FMR1: variants seen among roughly 807,000 people sequenced by gnomAD.
The protein encoded by FMR1 is fragile X messenger ribonucleoprotein 1.
Under a neutral mutation model 50.6 loss-of-function variants are expected in FMR1, and 13 were observed. That is an observed-to-expected ratio of 0.26 (90% CI 0.17 to 0.41). The LOEUF is 0.41. Among genes scored for constraint, FMR1 ranks in the 10% least tolerant of loss-of-function variants. The probability of loss-of-function intolerance (pLI) is 1.00; values close to 1 mark genes in which losing one functional copy is unlikely to be tolerated. For missense variants in FMR1, 316 were observed against 491.3 expected (o/e 0.64, Z 3.37); for synonymous variants, 138 against 164.1 (o/e 0.84, Z 1.22).
rs2043183344 is a variant in FMR1 at position 147,921,837 on chromosome X, T to TAA, written c.52-94_52-93dup. 3 of 553,013 alleles carry TAA rather than the reference T, an allele frequency of 5.4e-6. No individual in the cohort carries two copies. The South Asian group carries it at 7.9e-5, about 14-fold the overall frequency. 45.6% of individuals were successfully genotyped at this position (553,013 alleles called of 1,213,427 possible). ...TTCATTTGAAGTTCTATTTTATTCA[T>TAA]AAACACATAAAACGTTTGGTATCAC... On this transcript the variant is annotated intron_variant, in intron 1 of 16. Transcript: ENST00000370475.
chrX:147,943,652 T>C, intron 14 of FMR1: 1 of 248,608 alleles, frequency 4.0e-6, no homozygotes, highest in Non-Finnish European at 7.2e-6. Context: ...GGCTCATTTT[T>C]ATTTTGTCAG....
rs1034289606 is a variant in FMR1 at position 147,948,586 on chromosome X, T to A, written c.1738-97T>A. The A allele has an allele frequency of 1.3e-5, 15 of 1,186,757 alleles. No homozygotes were observed. The East Asian group carries it at 4.6e-4, about 36-fold the overall frequency. On this transcript the variant is annotated intron_variant, in intron 16 of 16. Transcript: ENST00000370475. ...CTCATCTCCATTTCTCTTTTTAACATGTGGAATTTACACTTCAGGTTTAAA... is the reference window on the plus strand; with the variant it reads ...CTCATCTCCATTTCTCTTTTTAACAAGTGGAATTTACACTTCAGGTTTAAA...
Position 147,928,368 on chromosome X carries a change from C to T in FMR1, c.245C>T (p.Ala82Val). The T allele has an allele frequency of 8.3e-7, 1 of 1,204,863 alleles. No individual in the cohort carries two copies. Among genetic ancestry groups the T allele is most frequent in the Middle Eastern group, 2.3e-4 (1 of 4,299 alleles). Residue 82 changes from alanine (A) to valine (V), a missense_variant, in exon 4 of 17, where the codon GCT becomes GTT. Physicochemically the swap from Ala to Val is moderately conservative, Grantham distance 64. Around this residue, in one of 4 missense-constraint regions of FMR1, gnomAD observed 124 missense variants for 238.1 expected, o/e 0.52. Coordinates refer to ENST00000370475, the MANE Select transcript of FMR1 (RefSeq NM_002024.6). ...AAAGAGCCTTGCTGTTGGTGGTTAGCTAAAGTGAGGATGATAAAGGGTGAG... is the reference window on the plus strand; with the variant it reads ...AAAGAGCCTTGCTGTTGGTGGTTAGTTAAAGTGAGGATGATAAAGGGTGAG... ...NEKEPCCWWLAKVRMIKGEFY... is the reference protein window; with the variant it reads ...NEKEPCCWWLVKVRMIKGEFY...
intron 5 of FMR1, among the ~76,000 whole-genome samples, chrX:147,929,600 A>G (rs1220559868): frequency 4.6e-5 from 5 of 109,078 alleles, no homozygotes; most frequent in South Asian, 3.9e-4. Context: ...AAAAAAAAGG[A>G]AAAAAAAAGG....
intron 1 of FMR1, chrX:147,913,472 G>A (rs1228857240): frequency 1.8e-5 from 2 of 112,086 alleles, no homozygotes; most frequent in Non-Finnish European, 3.8e-5. Flanking sequence ...ATAGCTATTA[G>A]CAGTGTCCAA....
intron 1 of FMR1, among the ~76,000 whole-genome samples, chrX:147,917,755 A>G (rs1557175523): frequency 1.8e-5 from 2 of 111,687 alleles, no homozygotes; most frequent in African/African-American, 3.3e-5. Context: ...TTCATTACCC[A>G]CAGCAGTCTT....
At chrX:147,919,317 C>T (rs1260911621) in intron 1 of FMR1, among the ~76,000 whole-genome samples, 2 of 111,517 alleles carry the variant, frequency 1.8e-5, no homozygotes, top group African/African-American at 6.5e-5. Context: ...TTTTTACGAC[C>T]TATAGAAATA....
intron 9 of FMR1, among the ~76,000 whole-genome samples, chrX:147,933,051 C>T (rs1345973970): frequency 1.4e-5 from 1 of 72,373 alleles, no homozygotes; most frequent in African/African-American, 5.3e-5. Flanking sequence ...CCCCCCTCCC[C>T]CCACCCCACA....
At chrX:147,912,305 G>A in intron 1 of FMR1, 75 bp downstream of exon 1, 1 of 976,254 alleles carries the variant, frequency 1.0e-6, no homozygotes, top group Non-Finnish European at 1.4e-6. Context: ...GCGGGAGGCA[G>A]GCCCGGGGCC....
At chrX:147,939,920 A>G (rs1164859321) in intron 12 of FMR1, among the ~76,000 whole-genome samples, 2 of 105,605 alleles carry the variant, frequency 1.9e-5, no homozygotes, top group Non-Finnish European at 3.9e-5. Context: ...AAAAAAAAAA[A>G]AGAGGCGGAG....
chrX:147,918,824 A>G (rs1378415156), intron 1 of FMR1, among the ~76,000 whole-genome samples: 1 of 110,755 alleles, frequency 9.0e-6, no homozygotes, highest in Non-Finnish European at 1.9e-5. Context: ...CTTAAGCCAT[A>G]TGTAGCTATT....
intron 3 of FMR1, 125 bp downstream of exon 3, chrX:147,925,758 C>T: frequency 1.9e-6 from 1 of 522,865 alleles, no homozygotes; most frequent in Non-Finnish European, 3.4e-6. Flanking sequence ...CTGGAATGGA[C>T]ACGTGCTTTT....
chrX:147,934,588 G>T (rs986914939), intron 9 of FMR1, among the ~76,000 whole-genome samples: 1 of 111,671 alleles, frequency 9.0e-6, no homozygotes, highest in Non-Finnish European at 1.9e-5. Context: ...GTGTAATGTA[G>T]AATTGGATTA....
chrX:147,929,938 A>G lies in FMR1; in HGVS notation c.420-10A>G. ...ATTATTCATCTTAATTTTTTTTTTT[A>G]AATTTCTAGGTGTGCCAAAGAGGCG... On this transcript the variant is annotated splice_polypyrimidine_tract_variant and intron_variant, in intron 5 of 16. Coordinates refer to ENST00000370475, the MANE Select transcript of FMR1 (RefSeq NM_002024.6). 1 of 1,129,105 alleles carries G rather than the reference A, an allele frequency of 8.9e-7. No individual in the cohort carries two copies. Among genetic ancestry groups the G allele is most frequent in the South Asian group, 1.9e-5 (1 of 52,591 alleles). The allele number at this position is 1,129,105 out of a possible 1,213,427, so 93.1% of individuals were successfully genotyped here. A position where few individuals can be genotyped will look rare whatever the true frequency, so the allele number is the denominator to read the frequency against.
In FMR1 at chrX:147,930,057, T is replaced by A; in HGVS notation, c.513+16T>A. ...TGTCATTTTGGTGAGCATTTTTGAG[T>A]TGTTTATTTTTAGTTTAATTCATCT... On this transcript the variant is annotated intron_variant, in intron 6 of 16. Transcript: ENST00000370475. 8.6e-7 allele frequency: 1 copy of A among 1,163,502 alleles called. No individual in the cohort carries two copies. Among genetic ancestry groups the A allele is most frequent in the Non-Finnish European group, 1.2e-6 (1 of 851,903 alleles).
At chrX:147,941,194 G>A (rs1344359820) in intron 13 of FMR1, among the ~76,000 whole-genome samples, 1 of 111,694 alleles carries the variant, frequency 9.0e-6, no homozygotes, top group Admixed American at 9.5e-5. Flanking sequence ...ATTTCAAACT[G>A]GAAGATAGGA....
rs1235895783 is a variant in FMR1 at position 147,949,171 on chromosome X, C to T, written c.*327C>T. 1 of 370,326 alleles carries T rather than the reference C, an allele frequency of 2.7e-6. No individual in the cohort carries two copies. The highest frequency in any genetic ancestry group is 7.2e-5 in the East Asian group (1 of 13,797). 30.5% of individuals were successfully genotyped at this position (370,326 alleles called of 1,213,427 possible). A position where few individuals can be genotyped will look rare whatever the true frequency, so the allele number is the denominator to read the frequency against. ...TTTTCCTGCATTGGGTGATCATTCACCAGTACATTCTCAGTTTTTCTTAAT... is the reference window on the plus strand; with the variant it reads ...TTTTCCTGCATTGGGTGATCATTCATCAGTACATTCTCAGTTTTTCTTAAT... On this transcript the variant is annotated 3_prime_UTR_variant, in exon 17 of 17. Coordinates refer to ENST00000370475, the MANE Select transcript of FMR1 (RefSeq NM_002024.6).
At chrX:147,930,584 C>T (rs782080368) in intron 7 of FMR1, among the ~76,000 whole-genome samples, 2 of 111,684 alleles carry the variant, frequency 1.8e-5, no homozygotes, top group South Asian at 3.7e-4. Context: ...TCATATTCCT[C>T]TCATTATGTA....
Position 147,942,122 on chromosome X carries a change from G to A in FMR1, c.1276-1009G>A, listed in dbSNP as rs1341578442. Among the ~76,000 whole-genome samples the A allele has an allele frequency of 3.6e-5, 4 of 112,496 alleles. 1 individual carries two copies. The highest frequency in any genetic ancestry group is 9.7e-5 in the African/African-American group (3 of 30,936). On this transcript the variant is annotated intron_variant, in intron 13 of 16. Transcript: ENST00000370475. ...AATGATGGCAGAGCACAGATGAAAC[G>A]GACCAAATCCTTACCTGACCTTTCT...
Sources: gnomAD v4.1 joint callset for allele counts (sites outside exome capture counted in the v4.1 genomes callset) on GRCh38, gnomAD v4.1.1 for gene constraint, gnomAD v4.1.1 regional missense constraint, MANE v1.5 for transcripts, NCBI Gene and HGNC (gene_info 2026-07-23, HGNC 2026-07-21) for gene names.